The following LHFPL3 variants were observed in gnomAD, a reference collection of about 807,000 sequenced individuals.
LHFPL3 encodes LHFPL tetraspan subfamily member 3 protein.
LHFPL3 carries 5 observed loss-of-function variants against 19.3 expected under a neutral mutation model. The ratio of observed to expected loss-of-function variants is 0.26; its 90% CI spans 0.14 to 0.54. The LOEUF (loss-of-function observed/expected upper bound fraction) is 0.54, where lower values mean the gene tolerates loss of function less well. LHFPL3 is among the 20% of genes least tolerant of loss of function. The pLI, the probability that LHFPL3 is intolerant of heterozygous loss-of-function variation, is 0.94. For missense variants in LHFPL3, 249 were observed against 307.4 expected (o/e 0.81, Z 1.42); for synonymous variants, 133 against 126.2 (o/e 1.05, Z -0.36).
chr7:104,586,665 T>C lies in LHFPL3; in HGVS notation c.446-150010T>C, dbSNP rs78223506. ...GACGTCTAGTGGGTGAAAACATCTT[T>C]CACATTTCAAAATTAGCATTGTCTA... On this transcript the variant is annotated intron_variant, in intron 1 of 2. Coordinates refer to ENST00000424859, the MANE Select transcript of LHFPL3 (RefSeq NM_199000.3). Among the ~76,000 whole-genome samples the C allele has an allele frequency of 4.1e-3, 622 of 152,280 alleles. 35 individuals carry two copies. In the East Asian group the frequency reaches 0.1, roughly 24 times the overall value.
At chr7:104,896,859 G>T (rs939915082) in intron 2 of LHFPL3, among the ~76,000 whole-genome samples, 3 of 152,176 alleles carry the variant, frequency 2.0e-5, no homozygotes, top group Non-Finnish European at 2.9e-5. Context: ...GCCAAGGCGG[G>T]TGGATCACTT....
intron 1 of LHFPL3, among the ~76,000 whole-genome samples, chr7:104,620,474 G>A (rs1791424665): frequency 6.6e-6 from 1 of 152,056 alleles, no homozygotes; most frequent in South Asian, 2.1e-4. Context: ...CCACATAATA[G>A]TCCCTGCTTT....
chr7:104,476,590 A>C (rs1448746653), intron 1 of LHFPL3, among the ~76,000 whole-genome samples: 3 of 152,012 alleles, frequency 2.0e-5, no homozygotes, highest in African/African-American at 4.8e-5. Flanking sequence ...CCTCCTGAGT[A>C]GCTGGGATTA....
chr7:104,743,277 C>T (rs1167854714), intron 2 of LHFPL3, among the ~76,000 whole-genome samples: 1 of 152,052 alleles, frequency 6.6e-6, no homozygotes, highest in Non-Finnish European at 1.5e-5. Flanking sequence ...TTTAGAAACT[C>T]TGGTCCATGG....
intron 1 of LHFPL3, among the ~76,000 whole-genome samples, chr7:104,608,823 G>C (rs1467392588): frequency 6.6e-6 from 1 of 152,120 alleles, no homozygotes; most frequent in African/African-American, 2.4e-5. Context: ...ATCCACCTAC[G>C]TGGACAAATT....
chr7:104,469,357 A>G (rs1239394300), intron 1 of LHFPL3, among the ~76,000 whole-genome samples: 1 of 152,210 alleles, frequency 6.6e-6, no homozygotes, highest in Non-Finnish European at 1.5e-5. Flanking sequence ...GTGTGGTTTT[A>G]CAGCATTATA....
chr7:104,370,240 A>G (rs1211487259), intron 1 of LHFPL3, among the ~76,000 whole-genome samples: 1 of 152,206 alleles, frequency 6.6e-6, no homozygotes, highest in Non-Finnish European at 1.5e-5. Flanking sequence ...GAGGAGGTGC[A>G]AAGAGCCTGG....
chr7:104,425,000 A>AAAAAAAAAAAAAAAAAAAAAATT (rs1791813748), intron 1 of LHFPL3, among the ~76,000 whole-genome samples: 1 of 150,756 alleles, frequency 6.6e-6, no homozygotes, highest in Non-Finnish European at 1.5e-5. Context: ...AAAAAAAAAA[A>AAAAAAAAAAAAAAAAAAAAAATT]AAAAAGAAGT....
intron 2 of LHFPL3, among the ~76,000 whole-genome samples, chr7:104,795,398 C>G (rs781661188): frequency 6.6e-6 from 1 of 152,204 alleles, no homozygotes. Flanking sequence ...CTCCCCGTCC[C>G]TCGCCTCTTT....
At chr7:104,512,597 G>A (rs761961628) in intron 1 of LHFPL3, among the ~76,000 whole-genome samples, 1 of 152,168 alleles carries the variant, frequency 6.6e-6, no homozygotes, top group Non-Finnish European at 1.5e-5. Flanking sequence ...TTAGCCAGGC[G>A]TGGTGACAGA....
chr7:104,628,664 C>T (rs1791588349), intron 1 of LHFPL3, among the ~76,000 whole-genome samples: 1 of 152,160 alleles, frequency 6.6e-6, no homozygotes, highest in African/African-American at 2.4e-5. Flanking sequence ...GGATTATTTG[C>T]AACCAGTAGC....
At chr7:104,597,132 TAAC>T (rs1790879954) in intron 1 of LHFPL3, among the ~76,000 whole-genome samples, 1 of 152,228 alleles carries the variant, frequency 6.6e-6, no homozygotes, top group South Asian at 2.1e-4. Context: ...CATAATGATG[TAAC>T]AACAATAATA....
At chr7:104,835,928 C>T (rs1029301059) in intron 2 of LHFPL3, among the ~76,000 whole-genome samples, 1 of 151,720 alleles carries the variant, frequency 6.6e-6, no homozygotes, top group Non-Finnish European at 1.5e-5. Context: ...CCCCTTTCCC[C>T]AAATGGGAGG....
At chr7:104,441,022 G>A (rs926291347) in intron 1 of LHFPL3, among the ~76,000 whole-genome samples, 6 of 151,988 alleles carry the variant, frequency 3.9e-5, no homozygotes, top group African/African-American at 1.5e-4. Context: ...CTTTCTTTCT[G>A]TGTGTGTGAG....
In LHFPL3 at chr7:104,399,453, T is replaced by A. The variant is rs1305534512; in HGVS notation, c.445+70229T>A. On this transcript the variant is annotated intron_variant, in intron 1 of 2. Transcript: ENST00000424859. The surrounding 1 kb of genome is among the most constrained non-coding windows in gnomAD (Gnocchi z 4.4). ...TTCTGTTTTTTTTTGTTTTTTAGGT[T>A]TTTTTTGTTTGTTTGTTTGAGATGG... Among the ~76,000 whole-genome samples, 1 of 147,796 alleles carries A rather than the reference T, an allele frequency of 6.8e-6. No individual in the cohort carries two copies. Among genetic ancestry groups the A allele is most frequent in the East Asian group, 1.9e-4 (1 of 5,162 alleles).
At chr7:104,846,119 T>C (rs1260881690) in intron 2 of LHFPL3, among the ~76,000 whole-genome samples, 1 of 152,194 alleles carries the variant, frequency 6.6e-6, no homozygotes, top group African/African-American at 2.4e-5. Flanking sequence ...TGTTCACACA[T>C]ACACACACAT....
At chr7:104,498,409 T>C (rs917124886) in intron 1 of LHFPL3, among the ~76,000 whole-genome samples, 3 of 152,304 alleles carry the variant, frequency 2.0e-5, no homozygotes, top group South Asian at 2.1e-4. Context: ...AAGAAGAACA[T>C]TGGGCCAAGA....
intron 1 of LHFPL3, among the ~76,000 whole-genome samples, chr7:104,390,713 T>A (rs1371616696): frequency 6.6e-6 from 1 of 152,228 alleles, no homozygotes; most frequent in East Asian, 1.9e-4. Context: ...ATGGGATGGC[T>A]GGGTCAAACG....
intron 1 of LHFPL3, among the ~76,000 whole-genome samples, chr7:104,582,829 AT>A (rs1329545194): frequency 6.6e-6 from 1 of 151,842 alleles, no homozygotes; most frequent in East Asian, 1.9e-4. Flanking sequence ...TATTATTTGA[AT>A]CAATTTGCTA....
Sources: allele counts gnomAD v4.1 joint callset (sites outside exome capture counted in the v4.1 genomes callset), GRCh38; gene constraint gnomAD v4.1.1; non-coding constraint Gnocchi (gnomAD v3.1); transcripts MANE v1.5; gene names NCBI Gene and HGNC (gene_info 2026-07-23, HGNC 2026-07-21).